The following SYNPO2 variants were observed in gnomAD, a reference collection of about 807,000 sequenced individuals.
SYNPO2 encodes synaptopodin-2.
Under a neutral mutation model 85.0 loss-of-function variants are expected in SYNPO2, and 56 were observed. The observed-to-expected ratio is 0.66, with a 90% CI of 0.53 to 0.82. The LOEUF is 0.82. SYNPO2 is among the 40% of genes least tolerant of loss of function. SYNPO2 has a pLI of 0.00. For missense variants in SYNPO2, 1,575 were observed against 1,534.2 expected (o/e 1.03, Z -0.44); for synonymous variants, 602 against 591.1 (o/e 1.02, Z -0.27).
intron 4 of SYNPO2, among the ~76,000 whole-genome samples, chr4:119,053,184 T>G (rs1161551249): frequency 6.6e-6 from 1 of 152,202 alleles, no homozygotes; most frequent in Non-Finnish European, 1.5e-5. Context: ...GCCTGAGCCT[T>G]GAAACTGTGA....
At chr4:119,023,385 C>T (rs767584667) in intron 1 of SYNPO2, 45 bp from the exon 2 acceptor site, 6 of 1,544,758 alleles carry the variant, frequency 3.9e-6, no homozygotes, top group South Asian at 3.7e-5. Flanking sequence ...TTGCTTTTTA[C>T]AAATTATATC....
At chr4:119,034,363 G>T (rs958426215) in intron 4 of SYNPO2, 1 of 976,176 alleles carries the variant, frequency 1.0e-6, no homozygotes, top group Non-Finnish European at 1.2e-6. Context: ...ATTTCCAGTT[G>T]TCTAGTGGTG....
intron 1 of SYNPO2, among the ~76,000 whole-genome samples, chr4:118,949,567 C>T (rs537279374): frequency 5.3e-5 from 8 of 149,932 alleles, no homozygotes; most frequent in African/African-American, 1.7e-4. Flanking sequence ...CATGGTGAAA[C>T]CTGTCTCTAC....
intron 4 of SYNPO2, chr4:119,033,093 GTTT>G: frequency 1.0e-6 from 1 of 985,316 alleles, no homozygotes; most frequent in South Asian, 4.7e-5. Context: ...CATGGCTATT[GTTT>G]CACCTGGAGA....
intron 1 of SYNPO2, among the ~76,000 whole-genome samples, chr4:118,974,480 C>A (rs1735650324): frequency 6.6e-6 from 1 of 152,238 alleles, no homozygotes; most frequent in Admixed American, 6.5e-5. Flanking sequence ...CTTGTCCACA[C>A]CTATGACTTC....
At chr4:118,931,693 C>G (rs1733937592) in intron 1 of SYNPO2, among the ~76,000 whole-genome samples, 1 of 152,082 alleles carries the variant, frequency 6.6e-6, no homozygotes, top group Admixed American at 6.6e-5. Flanking sequence ...TCTCAGAAAC[C>G]AGCTCCACAC....
At chr4:119,044,644 C>T (rs988904764) in intron 4 of SYNPO2, among the ~76,000 whole-genome samples, 1 of 152,134 alleles carries the variant, frequency 6.6e-6, no homozygotes, top group African/African-American at 2.4e-5. Flanking sequence ...GATTAAGATT[C>T]CTAATTTTAA....
chr4:119,033,486 A>T, intron 4 of SYNPO2: 1 of 985,418 alleles, frequency 1.0e-6, no homozygotes, highest in Non-Finnish European at 1.2e-6. Flanking sequence ...GAGTCTGACC[A>T]ACCATGGAAA....
chr4:118,993,415 T>C (rs895934339), intron 1 of SYNPO2, among the ~76,000 whole-genome samples: 1 of 152,222 alleles, frequency 6.6e-6, no homozygotes, highest in African/African-American at 2.4e-5. Context: ...TTACGAGGCC[T>C]CCTTGATTTA....
intron 1 of SYNPO2, among the ~76,000 whole-genome samples, chr4:119,015,132 A>G (rs970473874): frequency 1.8e-4 from 27 of 152,362 alleles, no homozygotes; most frequent in South Asian, 1.0e-3. Context: ...GACAAAGTAT[A>G]GAATTAGGAA....
chr4:118,871,859 G>T (rs1195231358), intron 1 of SYNPO2, among the ~76,000 whole-genome samples: 2 of 152,180 alleles, frequency 1.3e-5, no homozygotes, highest in East Asian at 1.9e-4. Flanking sequence ...GTGAGCCACC[G>T]CACCTGGCCT....
intron 4 of SYNPO2, chr4:119,035,800 G>GA (rs1738483380): frequency 1.0e-6 from 1 of 968,774 alleles, no homozygotes; most frequent in Admixed American, 7.4e-5. Flanking sequence ...CTGGCAGCAA[G>GA]AGTCACATCT....
chr4:118,962,972 C>T (rs960885023), intron 1 of SYNPO2, among the ~76,000 whole-genome samples: 2 of 152,174 alleles, frequency 1.3e-5, no homozygotes, highest in Non-Finnish European at 2.9e-5. Flanking sequence ...CAGCCACACA[C>T]AGAGCTTGCC....
chr4:119,029,373 A>G (rs777473598), intron 3 of SYNPO2, among the ~76,000 whole-genome samples: 4 of 152,104 alleles, frequency 2.6e-5, no homozygotes, highest in Non-Finnish European at 5.9e-5. Context: ...ATTTTAAAAC[A>G]TCTTCTTGGG....
intron 1 of SYNPO2, among the ~76,000 whole-genome samples, chr4:118,900,697 C>A (rs62326788): frequency 7.5e-3 from 277 of 36,958 alleles, no homozygotes; most frequent in African/African-American, 0.015. Context: ...CTCTCTCTCT[C>A]TCTCTCTATA....
intron 4 of SYNPO2, among the ~76,000 whole-genome samples, chr4:119,049,223 T>A (rs1030250264): frequency 3.9e-5 from 6 of 152,256 alleles, no homozygotes; most frequent in Non-Finnish European, 8.8e-5. Flanking sequence ...CTGTGGTTTC[T>A]TCTATTTGTG....
chr4:119,002,243 T>C (rs984998429), intron 1 of SYNPO2, among the ~76,000 whole-genome samples: 1 of 152,194 alleles, frequency 6.6e-6, no homozygotes, highest in South Asian at 2.1e-4. Context: ...TTTTAAAATA[T>C]ATCAGGAGTG....
chr4:118,919,748 A>G (rs548138138), intron 1 of SYNPO2, among the ~76,000 whole-genome samples: 1 of 152,220 alleles, frequency 6.6e-6, no homozygotes, highest in Non-Finnish European at 1.5e-5. Flanking sequence ...AGAATCACAG[A>G]AAGTGTTCGA....
At chr4:118,921,246 C>T (rs923664872) in intron 1 of SYNPO2, among the ~76,000 whole-genome samples, 2 of 152,112 alleles carry the variant, frequency 1.3e-5, no homozygotes, top group African/African-American at 2.4e-5. Flanking sequence ...TGTTGGTATT[C>T]TGTAGGATTT....
Sources: allele counts gnomAD v4.1 joint callset (sites outside exome capture counted in the v4.1 genomes callset), GRCh38; gene constraint gnomAD v4.1.1; transcripts MANE v1.5; gene names NCBI Gene and HGNC (gene_info 2026-07-23, HGNC 2026-07-21).